Variants in LINGO2 observed in about 807,000 individuals in gnomAD.
LINGO2 encodes the protein leucine rich repeat and Ig domain containing 2.
In LINGO2, 14 loss-of-function variants were observed where a neutral mutation model predicts 30.6. The ratio of observed to expected loss-of-function variants is 0.46; its 90% CI spans 0.30 to 0.72. The LOEUF (loss-of-function observed/expected upper bound fraction) is 0.72. LINGO2 is among the 30% of genes least tolerant of loss of function. LINGO2 has a pLI of 0.07. For synonymous variants in LINGO2, 317 were observed against 288.5 expected (o/e 1.10, Z -1.00); for missense variants, 729 against 751.7 (o/e 0.97, Z 0.35).
the LINGO2 span, among the ~76,000 whole-genome samples, chr9:28,788,274 C>T: frequency 5.3e-5 from 8 of 152,286 alleles, no homozygotes; most frequent in East Asian, 1.4e-3. Flanking sequence ...TCTATGACTA[C>T]ACTACAGTGA....
intron 1 of LINGO2, among the ~76,000 whole-genome samples, chr9:28,666,553 A>C (rs1828807661): frequency 6.6e-6 from 1 of 152,196 alleles, no homozygotes; most frequent in Non-Finnish European, 1.5e-5. Flanking sequence ...GCTCTAGTTC[A>C]AGGTCAGTTA....
At chr9:28,506,597 T>C (rs1023627774) in intron 1 of LINGO2, among the ~76,000 whole-genome samples, 6 of 121,474 alleles carry the variant, frequency 4.9e-5, no homozygotes, top group Admixed American at 1.0e-4. Context: ...GATCTACTTC[T>C]TTAAAAAAGA....
chr9:28,206,181 A>G (rs113845086), intron 4 of LINGO2, among the ~76,000 whole-genome samples: 10,600 of 148,950 alleles, frequency 0.071, 652 homozygotes, highest in East Asian at 0.2. Flanking sequence ...AAAAAAAAAA[A>G]AAAAAAAAAG....
chr9:29,176,235 C>T, the LINGO2 span, among the ~76,000 whole-genome samples: 1 of 152,182 alleles, frequency 6.6e-6, no homozygotes, highest in Non-Finnish European at 1.5e-5. Flanking sequence ...GTCACCTTGC[C>T]TCCACAGTGT....
intron 1 of LINGO2, chr9:28,599,150 C>T (rs1825346672): frequency 6.6e-6 from 1 of 152,124 alleles, no homozygotes; most frequent in Non-Finnish European, 1.5e-5. Flanking sequence ...GTTTTCTAGG[C>T]CTGCCAGGGA....
chr9:28,250,691 G>A (rs777332461), intron 4 of LINGO2, among the ~76,000 whole-genome samples: 9 of 152,162 alleles, frequency 5.9e-5, no homozygotes, highest in Non-Finnish European at 1.2e-4. Context: ...CCAGAGCTAC[G>A]CTATAGAAGA....
the LINGO2 span, among the ~76,000 whole-genome samples, chr9:28,761,422 T>C: frequency 6.6e-6 from 1 of 151,648 alleles, no homozygotes; most frequent in African/African-American, 2.4e-5. Context: ...CTAATTCTTG[T>C]CCTTAAAGAG....
intron 4 of LINGO2, among the ~76,000 whole-genome samples, chr9:28,088,378 G>C (rs1362240585): frequency 6.6e-6 from 1 of 151,958 alleles, no homozygotes; most frequent in Non-Finnish European, 1.5e-5. Context: ...ATGCCCTTTA[G>C]ACTCTGGCCT....
At chr9:28,438,216 A>G (rs551079643) in intron 2 of LINGO2, among the ~76,000 whole-genome samples, 36 of 152,308 alleles carry the variant, frequency 2.4e-4, no homozygotes, top group African/African-American at 7.0e-4. Flanking sequence ...TGAGTGAGCT[A>G]AAGGTTGCCC....
At chr9:27,994,197 TAA>T (rs1264406967) in intron 5 of LINGO2, among the ~76,000 whole-genome samples, 1 of 151,146 alleles carries the variant, frequency 6.6e-6, no homozygotes, top group East Asian at 2.0e-4. Flanking sequence ...ATCAAAAAAG[TAA>T]AAAGACTTCA....
chr9:28,902,206 G>C, the LINGO2 span, among the ~76,000 whole-genome samples: 1 of 152,044 alleles, frequency 6.6e-6, no homozygotes, highest in African/African-American at 2.4e-5. Flanking sequence ...AAAGAGAGCA[G>C]GTATAGCTAT....
chr9:28,855,101 CAG>C, the LINGO2 span, among the ~76,000 whole-genome samples: 1 of 151,986 alleles, frequency 6.6e-6, no homozygotes, highest in Non-Finnish European at 1.5e-5. Context: ...GCATTTCCTT[CAG>C]AGATTGATAA....
the LINGO2 span, among the ~76,000 whole-genome samples, chr9:28,718,828 G>A: frequency 6.6e-6 from 1 of 151,912 alleles, no homozygotes; most frequent in Non-Finnish European, 1.5e-5. Context: ...TTCCCCTCCT[G>A]AACTTTCTGG....
intron 1 of LINGO2, among the ~76,000 whole-genome samples, chr9:28,552,958 C>G (rs1483301010): frequency 2.7e-5 from 4 of 150,540 alleles, no homozygotes; most frequent in Non-Finnish European, 5.9e-5. Context: ...ATATTAATCC[C>G]AGATATTTTG....
intron 4 of LINGO2, among the ~76,000 whole-genome samples, chr9:28,245,150 C>G (rs532444282): frequency 6.6e-6 from 1 of 152,256 alleles, no homozygotes; most frequent in South Asian, 2.1e-4. Context: ...ACTGGTTCAA[C>G]ATAAGTGAAT....
At chr9:28,850,537 C>T in the LINGO2 span, among the ~76,000 whole-genome samples, 10 of 151,984 alleles carry the variant, frequency 6.6e-5, no homozygotes, top group African/African-American at 1.9e-4. Flanking sequence ...AAAAGACATA[C>T]ATAAACTCCA....
chr9:28,467,374 C>T (rs1449381659), intron 2 of LINGO2, among the ~76,000 whole-genome samples: 1 of 152,086 alleles, frequency 6.6e-6, no homozygotes, highest in Non-Finnish European at 1.5e-5. Context: ...AAATCATATA[C>T]TAGAGTAGCA....
the LINGO2 span, among the ~76,000 whole-genome samples, chr9:29,076,841 A>G: frequency 6.6e-6 from 1 of 151,860 alleles, no homozygotes; most frequent in African/African-American, 2.4e-5. Flanking sequence ...GATAGGCAAT[A>G]TTTAAAATGT....
At chr9:28,983,465 T>C in the LINGO2 span, among the ~76,000 whole-genome samples, 1 of 151,766 alleles carries the variant, frequency 6.6e-6, no homozygotes, top group Non-Finnish European at 1.5e-5. Flanking sequence ...AAATACATAA[T>C]ATAGTAATAA....
Sources: gnomAD v4.1 joint callset for allele counts (sites outside exome capture counted in the v4.1 genomes callset) on GRCh38, gnomAD v4.1.1 for gene constraint, MANE v1.5 for transcripts, NCBI Gene and HGNC (gene_info 2026-07-23, HGNC 2026-07-21) for gene names.